Variants in SPIRE1 observed in about 807,000 individuals in gnomAD.
The protein encoded by SPIRE1 is spire type actin nucleation factor 1, also known as protein spire homolog 1.
SPIRE1 carries 40 observed loss-of-function variants against 94.1 expected under a neutral mutation model. The observed-to-expected ratio is 0.43, with a 90% CI of 0.33 to 0.55. The LOEUF (loss-of-function observed/expected upper bound fraction) is 0.55. Among genes scored for constraint, SPIRE1 ranks in the 20% least tolerant of loss-of-function variants. The pLI is 0.06. For missense variants in SPIRE1, 838 were observed against 975.2 expected (o/e 0.86, Z 1.87); for synonymous variants, 376 against 371.7 (o/e 1.01, Z -0.13).
intron 4 of SPIRE1, among the ~76,000 whole-genome samples, chr18:12,524,693 G>A (rs920607934): frequency 6.6e-6 from 1 of 152,056 alleles, no homozygotes; most frequent in Non-Finnish European, 1.5e-5. Flanking sequence ...GTAATAACAG[G>A]CAAGGCACAA....
chr18:12,614,214 T>C (rs1184729654), intron 2 of SPIRE1, among the ~76,000 whole-genome samples: 1 of 152,154 alleles, frequency 6.6e-6, no homozygotes. Context: ...TGAGCTATGA[T>C]CGTACTATTG....
intron 2 of SPIRE1, among the ~76,000 whole-genome samples, chr18:12,618,226 C>T (rs1216627917): frequency 4.6e-5 from 7 of 152,028 alleles, no homozygotes; most frequent in South Asian, 4.2e-4. Flanking sequence ...CTCAGCCTCC[C>T]GAGTAGCTGG....
intron 3 of SPIRE1, among the ~76,000 whole-genome samples, chr18:12,537,356 T>C (rs1202273457): frequency 6.6e-6 from 1 of 152,204 alleles, no homozygotes; most frequent in Non-Finnish European, 1.5e-5. Flanking sequence ...CATAAAGAAA[T>C]GGCATAAAGC....
rs183668958 is a variant in SPIRE1 at position 12,564,592 on chromosome 18, C to T, written c.373-17688G>A. On this transcript the variant is annotated intron_variant, in intron 2 of 16. Transcript: ENST00000409402. ...CTTCCTGGATCCATACAGATGAGAG[C>T]AGAGGGCAAACCAATGTCCCCAAGA... Among the ~76,000 whole-genome samples, 23 of 152,254 alleles carry T rather than the reference C, an allele frequency of 1.5e-4. No individual in the cohort carries two copies. The East Asian group carries it at 3.9e-3, about 26-fold the overall frequency.
chr18:12,618,389 C>T (rs1361747133), intron 2 of SPIRE1, among the ~76,000 whole-genome samples: 5 of 152,070 alleles, frequency 3.3e-5, no homozygotes, highest in Admixed American at 6.6e-5. Context: ...CGAGAGCCAC[C>T]GCGCCCGGCC....
chr18:12,553,898 C>G (rs955266432), intron 2 of SPIRE1, among the ~76,000 whole-genome samples: 2 of 152,006 alleles, frequency 1.3e-5, no homozygotes, highest in South Asian at 2.1e-4. Context: ...AACAAAACAA[C>G]AAGTTGATTT....
chr18:12,631,134 T>C (rs947259688), intron 2 of SPIRE1, among the ~76,000 whole-genome samples: 9 of 152,140 alleles, frequency 5.9e-5, no homozygotes, highest in Non-Finnish European at 1.3e-4. Context: ...CTCTGCCATC[T>C]GTGCTCTCAT....
intron 3 of SPIRE1, among the ~76,000 whole-genome samples, chr18:12,540,343 T>G (rs1466793083): frequency 6.6e-6 from 1 of 152,172 alleles, no homozygotes; most frequent in Non-Finnish European, 1.5e-5. Context: ...TCCCTGTTTG[T>G]CCTTTCTAGA....
chr18:12,497,976 G>A (rs2033521119), intron 6 of SPIRE1, among the ~76,000 whole-genome samples: 2 of 152,206 alleles, frequency 1.3e-5, no homozygotes, highest in Admixed American at 1.3e-4. Context: ...AATTACAGAT[G>A]TGGGACAATG....
intron 9 of SPIRE1, among the ~76,000 whole-genome samples, chr18:12,481,159 G>A (rs974622007): frequency 5.9e-5 from 9 of 152,012 alleles, no homozygotes; most frequent in Non-Finnish European, 1.2e-4. Flanking sequence ...GTGAAACCCC[G>A]TCTCCACTAA....
chr18:12,486,090 A>C, intron 8 of SPIRE1, 90 bp from the exon 9 acceptor site: 2 of 935,584 alleles, frequency 2.1e-6, no homozygotes, highest in African/African-American at 1.7e-5. Flanking sequence ...ATTAATGAAG[A>C]CCCTTAGTGG....
At chr18:12,493,297 G>T in intron 7 of SPIRE1, 96 bp from the exon 8 acceptor site, 3 of 1,121,740 alleles carry the variant, frequency 2.7e-6, no homozygotes, top group Non-Finnish European at 3.8e-6. Context: ...ACATTTCATT[G>T]ACTGGAACAC....
chr18:12,537,255 C>T (rs550695656), intron 3 of SPIRE1, among the ~76,000 whole-genome samples: 3 of 152,268 alleles, frequency 2.0e-5, no homozygotes, highest in African/African-American at 7.2e-5. Context: ...TAGAAAACAT[C>T]TTGCAATACC....
At chr18:12,503,127 A>G (rs1462028253) in intron 6 of SPIRE1, among the ~76,000 whole-genome samples, 1 of 151,880 alleles carries the variant, frequency 6.6e-6, no homozygotes, top group Non-Finnish European at 1.5e-5. Context: ...AGAAAAAAAA[A>G]AAAAGGAAAT....
At chr18:12,523,039 T>A (rs926961510) in intron 4 of SPIRE1, among the ~76,000 whole-genome samples, 1 of 152,176 alleles carries the variant, frequency 6.6e-6, no homozygotes, top group Non-Finnish European at 1.5e-5. Context: ...GCAAAGCACA[T>A]TGAAAACCTT....
chr18:12,627,215 C>A (rs1203775983), intron 2 of SPIRE1, among the ~76,000 whole-genome samples: 1 of 151,850 alleles, frequency 6.6e-6, no homozygotes, highest in African/African-American at 2.4e-5. Context: ...CTCCTCCCTC[C>A]CCCACCCCAC....
chr18:12,636,109 T>G (rs2037918531), intron 1 of SPIRE1, among the ~76,000 whole-genome samples: 1 of 152,086 alleles, frequency 6.6e-6, no homozygotes, highest in South Asian at 2.1e-4. Flanking sequence ...GCCAGGCTGG[T>G]CTCGAACTCC....
At chr18:12,510,059 TG>T (rs1331678956) in intron 5 of SPIRE1, among the ~76,000 whole-genome samples, 16 of 149,378 alleles carry the variant, frequency 1.1e-4, no homozygotes, top group Non-Finnish European at 2.2e-4. Flanking sequence ...TACTCCAGCC[TG>T]GGCGACAGAG....
At chr18:12,466,785 G>A (rs2032122410) in intron 10 of SPIRE1, among the ~76,000 whole-genome samples, 1 of 152,086 alleles carries the variant, frequency 6.6e-6, no homozygotes, top group Non-Finnish European at 1.5e-5. Flanking sequence ...TGTGTGCCAT[G>A]GTGGTTTGCT....
Sources: gnomAD v4.1 joint callset for allele counts (sites outside exome capture counted in the v4.1 genomes callset) on GRCh38, gnomAD v4.1.1 for gene constraint, MANE v1.5 for transcripts, NCBI Gene and HGNC (gene_info 2026-07-23, HGNC 2026-07-21) for gene names.